Variants in RAPGEF5 observed in about 807,000 individuals in gnomAD.
The protein encoded by RAPGEF5 is Rap guanine nucleotide exchange factor 5.
RAPGEF5 carries 65 observed loss-of-function variants against 125.2 expected under a neutral mutation model. The observed-to-expected ratio is 0.52, with a 90% CI of 0.43 to 0.64. The LOEUF is 0.64. Ranked by LOEUF, RAPGEF5 falls within the 30% of genes least tolerant of loss-of-function variation. The pLI is 0.00. For missense variants in RAPGEF5, 958 were observed against 1,048.1 expected, an observed-to-expected ratio of 0.91 and a Z score of 1.19; for synonymous variants, 391 against 385.9, an observed-to-expected ratio of 1.01 and a Z score of -0.16.
In RAPGEF5 at chr7:22,132,202, T is replaced by C. The variant is rs78855846; in HGVS notation, c.2417-1101A>G. Among the ~76,000 whole-genome samples, 21 of 152,302 alleles carry C rather than the reference T, an allele frequency of 1.4e-4. No individual in the cohort carries two copies. In the East Asian group the frequency reaches 2.7e-3, roughly 20 times the overall value. On this transcript the variant is annotated intron_variant, in intron 23 of 25. Coordinates refer to ENST00000665637, the MANE Select transcript of RAPGEF5 (RefSeq NM_012294.5). ...TGGTCCCTATGGGGTAATTATGAGA[T>C]AGGTGGTCCTAAAACTTGCCACCAA...
intron 1 of RAPGEF5, among the ~76,000 whole-genome samples, chr7:22,340,312 C>T (rs928013932): frequency 6.6e-6 from 1 of 152,150 alleles, no homozygotes; most frequent in Non-Finnish European, 1.5e-5. Flanking sequence ...AACAAGACAA[C>T]AGGAACCACA....
intron 23 of RAPGEF5, among the ~76,000 whole-genome samples, chr7:22,135,240 G>A (rs1004321758): frequency 1.3e-5 from 2 of 152,138 alleles, no homozygotes; most frequent in Non-Finnish European, 1.5e-5. Context: ...GAAGAAAAGA[G>A]GCTGGATGAA....
At chr7:22,319,586 C>T (rs917756105) in intron 1 of RAPGEF5, among the ~76,000 whole-genome samples, 7 of 152,166 alleles carry the variant, frequency 4.6e-5, no homozygotes, top group Admixed American at 6.5e-5. Context: ...CAATCAGCCC[C>T]GCCTAGGCCT....
chr7:22,338,456 T>C (rs1304372248), intron 1 of RAPGEF5, among the ~76,000 whole-genome samples: 3 of 152,242 alleles, frequency 2.0e-5, no homozygotes, highest in African/African-American at 7.2e-5. Flanking sequence ...TAAAATTTTA[T>C]AAAACTAAAC....
intron 11 of RAPGEF5, among the ~76,000 whole-genome samples, chr7:22,188,997 C>A (rs1784907930): frequency 6.8e-6 from 1 of 146,938 alleles, no homozygotes; most frequent in South Asian, 2.2e-4. Flanking sequence ...GCTGTGTAGA[C>A]ACGTCCACAC....
chr7:22,229,105 G>A (rs1785994313), intron 8 of RAPGEF5, among the ~76,000 whole-genome samples: 2 of 152,154 alleles, frequency 1.3e-5, no homozygotes, highest in African/African-American at 2.4e-5. Flanking sequence ...AGCCACTAAG[G>A]AACATCCCTT....
chr7:22,219,409 A>G (rs1177966250), intron 9 of RAPGEF5, among the ~76,000 whole-genome samples: 1 of 151,176 alleles, frequency 6.6e-6, no homozygotes, highest in African/African-American at 2.4e-5. Context: ...GAGAGCATCT[A>G]TAATCTCTTT....
At chr7:22,288,154 T>C (rs1394183613) in intron 6 of RAPGEF5, among the ~76,000 whole-genome samples, 1 of 152,194 alleles carries the variant, frequency 6.6e-6, no homozygotes, top group East Asian at 1.9e-4. Context: ...GAATGTGACC[T>C]TCATGGTATA....
chr7:22,347,943 A>T (rs762276576), intron 1 of RAPGEF5, among the ~76,000 whole-genome samples: 2 of 152,222 alleles, frequency 1.3e-5, no homozygotes. Context: ...ATGATTTCCA[A>T]TTCAACACCA....
chr7:22,197,896 G>GGC (rs1554327510), intron 9 of RAPGEF5, among the ~76,000 whole-genome samples: 5 of 146,360 alleles, frequency 3.4e-5, no homozygotes, highest in African/African-American at 5.1e-5. Context: ...TTTTTTTTGG[G>GGC]GGGGGGTGGT....
chr7:22,341,618 T>C (rs1358248565), intron 1 of RAPGEF5, among the ~76,000 whole-genome samples: 1 of 152,202 alleles, frequency 6.6e-6, no homozygotes, highest in South Asian at 2.1e-4. Context: ...GGTGAAGGCA[T>C]TGAGTAAATA....
At position 22,167,163 on chromosome 7, in the gene RAPGEF5, A is replaced by C. The variant is rs148642359; in HGVS notation, c.1205-15T>G. 152 of 1,600,550 alleles carry C rather than the reference A, an allele frequency of 9.5e-5. No individual in the cohort carries two copies. In the East Asian group the frequency reaches 3.3e-3, roughly 35 times the overall value. The stretch of plus-strand genomic sequence containing the variant: ...CAGGAGGGTCTCTGCAAAGAAAAAA[A>C]AAACAAACACAAGGTAAGCAAAGAG... On this transcript the variant is annotated splice_polypyrimidine_tract_variant and intron_variant, in intron 11 of 25. Transcript: ENST00000665637.
intron 9 of RAPGEF5, among the ~76,000 whole-genome samples, chr7:22,218,379 T>A (rs1386857036): frequency 6.6e-6 from 1 of 152,174 alleles, no homozygotes; most frequent in African/African-American, 2.4e-5. Flanking sequence ...TTTTGAAAGA[T>A]CTTACCATAC....
intron 11 of RAPGEF5, among the ~76,000 whole-genome samples, chr7:22,186,164 T>G (rs1239480712): frequency 1.3e-5 from 2 of 152,216 alleles, no homozygotes; most frequent in African/African-American, 4.8e-5. Flanking sequence ...TCCAGTTACT[T>G]GCCTTGGATA....
chr7:22,282,643 G>A (rs1166716737), intron 6 of RAPGEF5, among the ~76,000 whole-genome samples: 1 of 152,210 alleles, frequency 6.6e-6, no homozygotes, highest in Non-Finnish European at 1.5e-5. Flanking sequence ...ACCCTGTCAT[G>A]TGAGACTGAA....
Position 22,175,634 on chromosome 7 carries a change from C to T in RAPGEF5, c.1205-8486G>A, listed in dbSNP as rs890809836. On this transcript the variant is annotated intron_variant, in intron 11 of 25. Coordinates refer to ENST00000665637, the MANE Select transcript of RAPGEF5 (RefSeq NM_012294.5). The stretch of plus-strand genomic sequence containing the variant: ...CAACTCGGACCTCTCGGAGTTGCTG[C>T]ATGGTTGTCTGATTAACATCACACA... 1.8e-4 allele frequency among the ~76,000 whole-genome samples: 27 copies of T among 152,200 alleles called. 1 individual carries two copies. Among genetic ancestry groups the T allele is most frequent in the African/African-American group, 6.0e-4 (25 of 41,444 alleles).
rs149026715 is a variant in RAPGEF5 at position 22,143,414 on chromosome 7, T to C, written c.2186+1630A>G. ...GAAGGATAACTCTGATCATGTCTCC[T>C]GCCCAAAAACTTTCAAAAAATCCCT... On this transcript the variant is annotated intron_variant, in intron 20 of 25. Coordinates refer to ENST00000665637, the MANE Select transcript of RAPGEF5 (RefSeq NM_012294.5). Among the ~76,000 whole-genome samples, 70 of 152,304 alleles carry C rather than the reference T, an allele frequency of 4.6e-4. 1 individual carries two copies. In the East Asian group the frequency reaches 0.012, roughly 26 times the overall value.
intron 6 of RAPGEF5, among the ~76,000 whole-genome samples, chr7:22,270,048 T>C (rs1365068103): frequency 3.3e-5 from 5 of 152,190 alleles, no homozygotes; most frequent in Non-Finnish European, 7.4e-5. Context: ...CAAAAGAATG[T>C]GGGGGAATTT....
intron 7 of RAPGEF5, among the ~76,000 whole-genome samples, chr7:22,265,247 C>A (rs1446353095): frequency 1.3e-5 from 2 of 152,084 alleles, no homozygotes; most frequent in Non-Finnish European, 2.9e-5. Context: ...TACCCATTAA[C>A]CAACTCTTCA....
Sources: allele counts gnomAD v4.1 joint callset (sites outside exome capture counted in the v4.1 genomes callset), GRCh38; gene constraint gnomAD v4.1.1; transcripts MANE v1.5; gene names NCBI Gene and HGNC (gene_info 2026-07-23, HGNC 2026-07-21).